The following OTOP1 variants were observed in gnomAD, a reference collection of about 807,000 sequenced individuals.
OTOP1 encodes the protein otopetrin 1.
OTOP1 carries 59 observed loss-of-function variants against 52.9 expected under a neutral mutation model. That is an observed-to-expected ratio of 1.12 (90% confidence interval 0.91 to 1.39). The LOEUF is 1.39. OTOP1 is among the 40% of genes most tolerant of loss of function. The pLI is 0.00. For missense variants in OTOP1, 761 were observed against 800.9 expected, an observed-to-expected ratio of 0.95 and a Z score of 0.60; for synonymous variants, 317 against 337.7, an observed-to-expected ratio of 0.94 and a Z score of 0.67.
In OTOP1 at chr4:4,213,021, G is replaced by A; in HGVS notation, c.404-17C>T. On this transcript the variant is annotated splice_polypyrimidine_tract_variant and intron_variant, in intron 1 of 5. Coordinates refer to ENST00000296358, the MANE Select transcript of OTOP1 (RefSeq NM_177998.3). ...TGATACTACCTAAATGTGGGATGAAGGGGGAAGTGGAAACACACACATTGC... is the reference window on the plus strand; with the variant it reads ...TGATACTACCTAAATGTGGGATGAAAGGGGAAGTGGAAACACACACATTGC... 1.9e-6 allele frequency: 3 copies of A among 1,611,998 alleles called. No homozygotes were observed. Among genetic ancestry groups the A allele is most frequent in the Non-Finnish European group, 2.5e-6 (3 of 1,178,196 alleles).
Position 4,216,858 on chromosome 4 carries a change from G to A in OTOP1, c.404-3854C>T, listed in dbSNP as rs765769296. Among the ~76,000 whole-genome samples, 4 of 152,174 alleles carry A rather than the reference G, an allele frequency of 2.6e-5. 1 individual carries two copies. The highest frequency in any genetic ancestry group is 5.9e-5 in the Non-Finnish European group (4 of 68,046). ...CTCAGGATTCCCATACAGAAAATGC[G>A]GATGGTCCACAGCAGTGGTTCTCAA... On this transcript the variant is annotated intron_variant, in intron 1 of 5. Coordinates refer to ENST00000296358, the MANE Select transcript of OTOP1 (RefSeq NM_177998.3).
At chr4:4,220,059 GTA>G (rs1717260782) in intron 1 of OTOP1, among the ~76,000 whole-genome samples, 1 of 129,344 alleles carries the variant, frequency 7.7e-6, no homozygotes, top group African/African-American at 2.9e-5. Flanking sequence ...ACATATACGT[GTA>G]TATACATATA....
rs1185602057 is a variant in OTOP1, at chr4:4,197,700, T to C, written c.1134A>G (p.Ser378=). The C allele has an allele frequency of 6.2e-7, 1 of 1,613,606 alleles. No individual in the cohort carries two copies. The highest frequency in any genetic ancestry group is 1.3e-5 in the African/African-American group (1 of 74,780). The change falls in exon 5 of 6, where the codon TCA becomes TCG. Residue 378 remains serine (S), a synonymous_variant. Transcript: ENST00000296358. The part of the protein sequence containing the change: ...GIRIYRIDEK[S]LDESKNPARK... ...GGGCCGGATTTTTGGACTCATCCAG[T>C]GACTTCTCGTCTATCCTGTAAATCC... is the stretch of plus-strand genomic sequence containing the variant.
intron 1 of OTOP1, among the ~76,000 whole-genome samples, chr4:4,220,181 T>C (rs2920235): frequency 0.96 from 137,893 of 143,746 alleles, 66,202 homozygotes; most frequent in East Asian, 1. Flanking sequence ...CTGCCCACTG[T>C]GACCTCCACC....
chr4:4,193,849 C>A (rs1210477932), intron 5 of OTOP1, among the ~76,000 whole-genome samples: 2 of 152,078 alleles, frequency 1.3e-5, no homozygotes, highest in Admixed American at 1.3e-4. Flanking sequence ...AGTGGTCAAC[C>A]AAAAAGGCAA....
At chr4:4,225,084 C>T (rs1577187280) in intron 1 of OTOP1, among the ~76,000 whole-genome samples, 1 of 152,294 alleles carries the variant, frequency 6.6e-6, no homozygotes, top group East Asian at 1.9e-4. Context: ...CACGGAAGCC[C>T]CACTCTAATG....
chr4:4,223,227 T>C (rs777731004), intron 1 of OTOP1, among the ~76,000 whole-genome samples: 2 of 152,326 alleles, frequency 1.3e-5, no homozygotes, highest in Admixed American at 6.5e-5. Flanking sequence ...AGCATGTCCA[T>C]AGGAGAAATG....
chr4:4,190,727 C>T (rs1302044516), intron 5 of OTOP1, among the ~76,000 whole-genome samples: 4 of 152,282 alleles, frequency 2.6e-5, no homozygotes, highest in Non-Finnish European at 5.9e-5. Context: ...GTATCCACCA[C>T]GGGGACCCTG....
intron 5 of OTOP1, among the ~76,000 whole-genome samples, chr4:4,194,719 A>C (rs2920172): frequency 3.3e-5 from 5 of 152,088 alleles, no homozygotes; most frequent in Middle Eastern, 3.4e-3. Context: ...GCTGGTAGCA[A>C]AGAGCTGACT....
At position 4,210,219 on chromosome 4, in the gene OTOP1, G is replaced by A. The variant is rs552158319; in HGVS notation, c.540+2649C>T. Among the ~76,000 whole-genome samples the A allele has an allele frequency of 4.5e-4, 68 of 152,216 alleles. No homozygotes were observed. In the South Asian group the frequency reaches 5.0e-3, roughly 11 times the overall value. ...AAGAAAAATGAATGAATGAACGAAC[G>A]CAGTTCGTTCTGCCCTCATTAAAGC... is the stretch of plus-strand genomic sequence containing the variant. On this transcript the variant is annotated intron_variant, in intron 2 of 5. Coordinates refer to ENST00000296358, the MANE Select transcript of OTOP1 (RefSeq NM_177998.3).
chr4:4,224,145 G>C (rs950869549), intron 1 of OTOP1, among the ~76,000 whole-genome samples: 1 of 151,966 alleles, frequency 6.6e-6, no homozygotes, highest in Non-Finnish European at 1.5e-5. Context: ...TCAGGAGTTT[G>C]AGACCAGTCT....
chr4:4,226,380 G>C, intron 1 of OTOP1, 82 bp downstream of exon 1: 10 of 1,281,468 alleles, frequency 7.8e-6, no homozygotes, highest in Non-Finnish European at 7.1e-6. Flanking sequence ...AGACGGCAGC[G>C]GTAGGAAGGG....
chr4:4,225,830 C>G (rs917813281), intron 1 of OTOP1, among the ~76,000 whole-genome samples: 30 of 152,206 alleles, frequency 2.0e-4, no homozygotes, highest in African/African-American at 7.0e-4. Context: ...GACAAGAACA[C>G]TGGAGCCCAG....
chr4:4,215,193 A>T (rs1325582646), intron 1 of OTOP1, among the ~76,000 whole-genome samples: 1 of 152,252 alleles, frequency 6.6e-6, no homozygotes, highest in Non-Finnish European at 1.5e-5. Flanking sequence ...TGTCCTGTTC[A>T]TCATTGTACT....
rs375979235 is a variant in OTOP1, at chr4:4,197,213, T to C, written c.1621A>G (p.Lys541Glu). The change falls in exon 5 of 6, where the codon AAA becomes GAA. Residue 541 changes from lysine (K) to glutamate (E), a missense_variant. Physicochemically the swap from Lys to Glu is moderately conservative, Grantham distance 56. Around this residue, in one of 3 missense-constraint regions of OTOP1, gnomAD observed 632 missense variants for 619.5 expected, o/e 1.02. Coordinates refer to ENST00000296358, the MANE Select transcript of OTOP1 (RefSeq NM_177998.3). ...PRFLQGNAKR[K>E]VLRNIAAFLF... is the part of the protein sequence containing the mutation. ...AAGGCTGCAATATTCCTCAGGACTT[T>C]TCTCTTGGCGTTGCCCTGTAAGAAA... The C allele has an allele frequency of 5.6e-6, 9 of 1,612,360 alleles. No individual in the cohort carries two copies. In the African/African-American group the frequency reaches 1.2e-4, roughly 22 times the overall value.
chr4:4,205,051 C>G (rs1716869303), intron 3 of OTOP1, among the ~76,000 whole-genome samples: 1 of 152,182 alleles, frequency 6.6e-6, no homozygotes, highest in African/African-American at 2.4e-5. Context: ...GGATTACAGG[C>G]GTGAGCCACC....
rs529123895 is a variant in OTOP1, at chr4:4,219,296, A to G, written c.404-6292T>C. On this transcript the variant is annotated intron_variant, in intron 1 of 5. Transcript: ENST00000296358. The stretch of plus-strand genomic sequence containing the variant: ...TAAAATAAAGTAGTGAACAAAGAGG[A>G]ATGCAACAAAAAGAAAGTCAGAATG... 6.6e-5 allele frequency among the ~76,000 whole-genome samples: 10 copies of G among 152,340 alleles called. No individual in the cohort carries two copies. The East Asian group carries it at 1.7e-3, about 26-fold the overall frequency.
chr4:4,194,121 G>A (rs1350585699), intron 5 of OTOP1, among the ~76,000 whole-genome samples: 5 of 152,244 alleles, frequency 3.3e-5, no homozygotes, highest in African/African-American at 4.8e-5. Flanking sequence ...CCTGGGAGGC[G>A]GAGGTTGCAA....
At chr4:4,220,101 A>ATT (rs1560211581) in intron 1 of OTOP1, among the ~76,000 whole-genome samples, 3 of 65,850 alleles carry the variant, frequency 4.6e-5, no homozygotes, top group East Asian at 1.4e-3. Context: ...ATATATATAT[A>ATT]TATATTTTTT....
Sources: allele counts gnomAD v4.1 joint callset (sites outside exome capture counted in the v4.1 genomes callset), GRCh38; gene constraint gnomAD v4.1.1; regional missense constraint gnomAD v4.1.1; transcripts MANE v1.5; gene names NCBI Gene and HGNC (gene_info 2026-07-23, HGNC 2026-07-21).